The following ACYP2 variants were observed in gnomAD, a reference collection of about 807,000 sequenced individuals.
The protein encoded by ACYP2 is acylphosphatase-2.
Under a neutral mutation model 11.2 loss-of-function variants are expected in ACYP2, and 12 were observed. The ratio of observed to expected loss-of-function variants is 1.08; its 90% CI spans 0.69 to 1.74. The LOEUF (loss-of-function observed/expected upper bound fraction) is 1.74. Ranked by LOEUF, ACYP2 falls within the 40% of genes most tolerant of loss-of-function variation. The probability of loss-of-function intolerance (pLI) is 0.00; values close to 1 mark genes in which losing one functional copy is unlikely to be tolerated. For synonymous variants in ACYP2, 43 were observed against 32.2 expected, an observed-to-expected ratio of 1.33 and a Z score of -1.13; for missense variants, 134 against 101.9, an observed-to-expected ratio of 1.31 and a Z score of -1.35.
intron 2 of ACYP2, among the ~76,000 whole-genome samples, chr2:53,985,043 T>C (rs1320830911): frequency 6.6e-6 from 1 of 151,492 alleles, no homozygotes; most frequent in Non-Finnish European, 1.5e-5. Context: ...AAAATCTCAG[T>C]GGCTTAGGAT....
At chr2:54,298,463 A>G (rs1021111424) in intron 6 of ACYP2, among the ~76,000 whole-genome samples, 4 of 152,212 alleles carry the variant, frequency 2.6e-5, no homozygotes, top group African/African-American at 7.2e-5. Flanking sequence ...AAACCCTTAA[A>G]AACACCCACA....
intron 6 of ACYP2, among the ~76,000 whole-genome samples, chr2:54,230,714 T>A (rs1686197967): frequency 6.6e-6 from 1 of 151,326 alleles, no homozygotes; most frequent in African/African-American, 2.5e-5. Context: ...ATCCAAGTCT[T>A]TAGACAAACT....
chr2:54,154,971 T>C (rs1212921010), intron 6 of ACYP2, among the ~76,000 whole-genome samples: 1 of 152,208 alleles, frequency 6.6e-6, no homozygotes, highest in African/African-American at 2.4e-5. Context: ...ATTATTGGTC[T>C]GTTCAGATTT....
At chr2:54,204,131 A>T (rs535120203) in intron 6 of ACYP2, among the ~76,000 whole-genome samples, 194 of 152,148 alleles carry the variant, frequency 1.3e-3, no homozygotes, top group African/African-American at 4.5e-3. Flanking sequence ...AGTAGCTGGG[A>T]CTACAGGCAT....
At chr2:54,256,059 C>T (rs1446902325) in intron 6 of ACYP2, 1 of 1,614,194 alleles carries the variant, frequency 6.2e-7, no homozygotes, top group South Asian at 1.1e-5. Flanking sequence ...CCTCTGTCGC[C>T]TTGCTCTTTT....
intron 6 of ACYP2, among the ~76,000 whole-genome samples, chr2:54,284,385 T>G (rs1241514776): frequency 6.6e-6 from 1 of 152,170 alleles, no homozygotes; most frequent in East Asian, 1.9e-4. Context: ...AGAATCCTCT[T>G]TATCTTTTGA....
At chr2:54,149,206 T>G (rs1295569040) in intron 6 of ACYP2, among the ~76,000 whole-genome samples, 2 of 152,180 alleles carry the variant, frequency 1.3e-5, no homozygotes, top group East Asian at 1.9e-4. Flanking sequence ...AAATTGCCTT[T>G]AAAAAAACCA....
At chr2:54,074,614 G>C (rs1320424580) in intron 4 of ACYP2, among the ~76,000 whole-genome samples, 1 of 140,132 alleles carries the variant, frequency 7.1e-6, no homozygotes, top group Non-Finnish European at 1.6e-5. Context: ...GTGTGTGTGT[G>C]TGTGTGTAAC....
chr2:54,066,919 T>C (rs1392920491), intron 4 of ACYP2, among the ~76,000 whole-genome samples: 2 of 152,128 alleles, frequency 1.3e-5, no homozygotes, highest in Admixed American at 6.5e-5. Context: ...CCACTACAAA[T>C]AAGGGAAAAT....
chr2:54,233,287 G>A (rs976786683), intron 6 of ACYP2, among the ~76,000 whole-genome samples: 3 of 148,650 alleles, frequency 2.0e-5, no homozygotes, highest in Admixed American at 1.3e-4. Context: ...ATGAACATAT[G>A]TATCATTCCC....
chr2:54,164,254 G>C (rs911250496), intron 6 of ACYP2, among the ~76,000 whole-genome samples: 2 of 152,178 alleles, frequency 1.3e-5, no homozygotes, highest in African/African-American at 2.4e-5. Context: ...ACAGGAACTG[G>C]GGAGAAGTTC....
At chr2:53,990,273 C>G (rs1317169209) in intron 2 of ACYP2, among the ~76,000 whole-genome samples, 1 of 152,102 alleles carries the variant, frequency 6.6e-6, no homozygotes, top group Non-Finnish European at 1.5e-5. Flanking sequence ...GCCACCACTC[C>G]TGGCATATAA....
At chr2:54,143,755 T>G (rs1485002374) in intron 6 of ACYP2, among the ~76,000 whole-genome samples, 1 of 114,458 alleles carries the variant, frequency 8.7e-6, no homozygotes, top group African/African-American at 3.8e-5. Flanking sequence ...TTTTTTTTTT[T>G]TTGGGGGGGG....
chr2:54,099,287 G>A (rs1678759269), intron 4 of ACYP2, among the ~76,000 whole-genome samples: 1 of 152,168 alleles, frequency 6.6e-6, no homozygotes, highest in South Asian at 2.1e-4. Context: ...TGTGTGGTGA[G>A]AACACTTCGA....
intron 4 of ACYP2, among the ~76,000 whole-genome samples, chr2:54,101,671 C>T (rs1400823402): frequency 8.2e-6 from 1 of 121,918 alleles, no homozygotes; most frequent in African/African-American, 3.1e-5. Flanking sequence ...GAGACTGTCT[C>T]AAAAAAAAAA....
intron 4 of ACYP2, among the ~76,000 whole-genome samples, chr2:54,058,087 A>G (rs1267694020): frequency 6.6e-6 from 1 of 152,216 alleles, no homozygotes; most frequent in African/African-American, 2.4e-5. Flanking sequence ...GGTAGGGCAT[A>G]TGAAGCAATG....
intron 6 of ACYP2, chr2:54,255,641 T>C (rs769334448): frequency 1.8e-5 from 29 of 1,613,418 alleles, no homozygotes; most frequent in Middle Eastern, 1.6e-4. Flanking sequence ...GCCACGTCCA[T>C]TTCTTCGCCT....
At chr2:54,228,154 A>G (rs1558627837) in intron 6 of ACYP2, among the ~76,000 whole-genome samples, 1 of 152,218 alleles carries the variant, frequency 6.6e-6, no homozygotes, top group Non-Finnish European at 1.5e-5. Flanking sequence ...TTTGGGACAC[A>G]TTTACTACAC....
intron 6 of ACYP2, among the ~76,000 whole-genome samples, chr2:54,224,163 T>C (rs1402822062): frequency 6.6e-6 from 1 of 152,198 alleles, no homozygotes; most frequent in African/African-American, 2.4e-5. Context: ...TCTCAGTCAC[T>C]TTCCAAGTCC....
Sources: gnomAD v4.1 joint callset for allele counts (sites outside exome capture counted in the v4.1 genomes callset) on GRCh38, gnomAD v4.1.1 for gene constraint, MANE v1.5 for transcripts, NCBI Gene and HGNC (gene_info 2026-07-23, HGNC 2026-07-21) for gene names.